The following RNF19A variants were observed in gnomAD, a reference collection of about 807,000 sequenced individuals.
RNF19A encodes E3 ubiquitin-protein ligase RNF19A.
In RNF19A, 32 loss-of-function variants were observed where a neutral mutation model predicts 75.7. The ratio of observed to expected loss-of-function variants is 0.42; its 90% confidence interval spans 0.32 to 0.57. The LOEUF is 0.57. Among genes scored for constraint, RNF19A ranks in the 20% least tolerant of loss-of-function variants. The pLI is 0.10. For missense variants in RNF19A, 782 were observed against 1,036.3 expected, an observed-to-expected ratio of 0.75 and a Z score of 3.37; for synonymous variants, 335 against 345.2, an observed-to-expected ratio of 0.97 and a Z score of 0.33.
intron 1 of RNF19A, among the ~76,000 whole-genome samples, chr8:100,292,385 C>T (rs1821339287): frequency 6.7e-6 from 1 of 150,334 alleles, no homozygotes; most frequent in Non-Finnish European, 1.5e-5. Flanking sequence ...CTTTTCCTTA[C>T]TGATGTGTAA....
At chr8:100,302,424 T>A (rs972799103) in intron 1 of RNF19A, among the ~76,000 whole-genome samples, 1 of 152,222 alleles carries the variant, frequency 6.6e-6, no homozygotes, top group Non-Finnish European at 1.5e-5. Context: ...GGGAAGGCTA[T>A]GAAACACAAG....
intron 1 of RNF19A, among the ~76,000 whole-genome samples, chr8:100,298,330 G>C (rs765517264): frequency 6.6e-6 from 1 of 151,872 alleles, no homozygotes; most frequent in Non-Finnish European, 1.5e-5. Context: ...ATTTCTCAAA[G>C]GTAAATTATA....
In RNF19A at chr8:100,261,164, G is replaced by A. The variant is rs1193114481; in HGVS notation, c.1682+378C>T. 6.6e-6 allele frequency among the ~76,000 whole-genome samples: 1 copy of A among 151,504 alleles called. No homozygotes were observed. Among genetic ancestry groups the A allele is most frequent in the African/African-American group, 2.4e-5 (1 of 41,170 alleles). ...GGTTGGAGCTCAGTGGTGTGATCTT[G>A]GCTGACTGCAGCCTCCAACTCCCAG... On this transcript the variant is annotated intron_variant, in intron 8 of 9. Transcript: ENST00000341084. The surrounding 1 kb of genome is among the most constrained non-coding windows in gnomAD (Gnocchi z 4.4).
At chr8:100,301,504 C>CTTTA (rs1445307283) in intron 1 of RNF19A, among the ~76,000 whole-genome samples, 12 of 152,192 alleles carry the variant, frequency 7.9e-5, no homozygotes, top group Admixed American at 7.9e-4. Flanking sequence ...AAACCCCACA[C>CTTTA]TTTAGCCAAC....
chr8:100,299,126 G>T (rs879384924), intron 1 of RNF19A, among the ~76,000 whole-genome samples: 1 of 152,176 alleles, frequency 6.6e-6, no homozygotes, highest in Non-Finnish European at 1.5e-5. Flanking sequence ...CACTAACCTA[G>T]TATTAGATCT....
Position 100,287,609 on chromosome 8 carries a change from C to A in RNF19A, c.566G>T (p.Arg189Leu). 1.9e-6 allele frequency: 3 copies of A among 1,614,012 alleles called. No homozygotes were observed. The highest frequency in any genetic ancestry group is 1.7e-6 in the Non-Finnish European group (2 of 1,179,928). ...CTERFNPHDIRLILSDDVLME... is the reference protein window; with the variant it reads ...CTERFNPHDILLILSDDVLME... ...CAAGACATCATCACTTAATATCAAG[C>A]GAATATCATGGGGATTAAACCGTTC... Residue 189 changes from arginine (R) to leucine (L), a missense_variant, in exon 2 of 10, where the codon CGC (arginine) becomes CTC (leucine). By Grantham distance (102) the Arg-to-Leu change is moderately radical. Transcript: ENST00000341084. The surrounding 1 kb of genome is among the most constrained non-coding windows in gnomAD (Gnocchi z 4.1).
rs984446053 is a variant in RNF19A at position 100,324,613 on chromosome 8, T to G, written c.-242-11241A>C. Among the ~76,000 whole-genome samples, 2 of 152,200 alleles carry G rather than the reference T, an allele frequency of 1.3e-5. No individual in the cohort carries two copies. Among genetic ancestry groups the G allele is most frequent in the African/African-American group, 4.8e-5 (2 of 41,444 alleles). On this transcript the variant is annotated intron_variant, in intron 1 of 3. Coordinates refer to the RNF19A transcript ENST00000519527. This position sits in a 1 kb window ranked among gnomAD's most constrained non-coding sequence, Gnocchi z 4.2. ...AATCACTGTTTTCTTTTAATTAGGCTTCTAACATACATTTGCATTGATTTT... is the reference window on the plus strand; with the variant it reads ...AATCACTGTTTTCTTTTAATTAGGCGTCTAACATACATTTGCATTGATTTT...
rs770737012 is a variant in RNF19A, at chr8:100,261,711, C to G, written c.1513G>C (p.Glu505Gln). Residue 505 changes from glutamate (E) to glutamine (Q), a missense_variant, in exon 8 of 10, where the codon GAG becomes CAG. Transcript: ENST00000341084. The surrounding 1 kb of genome is among the most constrained non-coding windows in gnomAD (Gnocchi z 4.4). ...CCAGTCAGCCCACCAACACTTCCCT[C>G]CCCTATGCTTGGGTTGTGTCTTGCT... ...AEARHNPSIGEGSVGGLTGSL... is the reference protein window; with the variant it reads ...AEARHNPSIGQGSVGGLTGSL... The G allele has an allele frequency of 3.1e-6, 5 of 1,614,018 alleles. No individual in the cohort carries two copies. The South Asian group carries it at 4.4e-5, about 14-fold the overall frequency.
chr8:100,322,836 T>C lies in RNF19A; in HGVS notation c.-242-9464A>G, dbSNP rs1586700521. Among the ~76,000 whole-genome samples the C allele has an allele frequency of 1.3e-5, 2 of 151,942 alleles. No individual in the cohort carries two copies. The highest frequency in any genetic ancestry group is 2.9e-5 in the Non-Finnish European group (2 of 68,002). ...ATGGGGGAATGGCTGGTCAGTGGAG[T>C]AGTCAGAACACACACACACATTTAT... is the stretch of plus-strand genomic sequence containing the variant. On this transcript the variant is annotated intron_variant, in intron 1 of 3. Coordinates refer to the RNF19A transcript ENST00000519527. The surrounding 1 kb of genome is among the most constrained non-coding windows in gnomAD (Gnocchi z 5.1).
At chr8:100,277,074 G>T (rs914690502) in intron 2 of RNF19A, among the ~76,000 whole-genome samples, 5 of 152,038 alleles carry the variant, frequency 3.3e-5, no homozygotes, top group Non-Finnish European at 5.9e-5. Flanking sequence ...AAAATTTCTA[G>T]AAGTTTCTAG....
intron 2 of RNF19A, among the ~76,000 whole-genome samples, chr8:100,281,377 G>A (rs1464712856): frequency 6.6e-6 from 1 of 152,128 alleles, no homozygotes; most frequent in Non-Finnish European, 1.5e-5. Flanking sequence ...ACATACCAAT[G>A]TTCAGTACAT....
At position 100,287,107 on chromosome 8, in the gene RNF19A, A is replaced by G. The variant is rs1041129560; in HGVS notation, c.674+394T>C. On this transcript the variant is annotated intron_variant, in intron 2 of 9. Coordinates refer to ENST00000341084, the MANE Select transcript of RNF19A (RefSeq NM_183419.4). This position sits in a 1 kb window ranked among gnomAD's most constrained non-coding sequence, Gnocchi z 4.1. ...TCATATGAGAAACATGTCAACAAAG[A>G]GAAAAAAAATAAAGAAGGTCATTTG... Among the ~76,000 whole-genome samples, 1 of 152,332 alleles carries G rather than the reference A, an allele frequency of 6.6e-6. No individual in the cohort carries two copies. Among genetic ancestry groups the G allele is most frequent in the Middle Eastern group, 3.4e-3 (1 of 294 alleles).
Position 100,264,488 on chromosome 8 carries a change from G to A in RNF19A, c.1306+183C>T. On this transcript the variant is annotated intron_variant, in intron 6 of 9. Coordinates refer to ENST00000341084, the MANE Select transcript of RNF19A (RefSeq NM_183419.4). This position sits in a 1 kb window ranked among gnomAD's most constrained non-coding sequence, Gnocchi z 4.7. ...GGTGGAGTGGGGAGGAAGGGTATCA[G>A]CCACTAACAATTTACCAACTACTTT... 1.7e-6 allele frequency: 1 copy of A among 593,388 alleles called. No homozygotes were observed. The highest frequency in any genetic ancestry group is 2.8e-5 in the East Asian group (1 of 35,658). The allele number at this position is 593,388 out of a possible 1,614,324, so 36.8% of individuals were successfully genotyped here.
intron 2 of RNF19A, among the ~76,000 whole-genome samples, chr8:100,282,557 T>C (rs1214073051): frequency 6.6e-6 from 1 of 152,232 alleles, no homozygotes; most frequent in Admixed American, 6.5e-5. Flanking sequence ...AATTTATCAC[T>C]AGTCATGAAT....
chr8:100,329,428 AAAAACAAAAC>A lies in RNF19A; in HGVS notation c.-243+6670_-243+6679del, dbSNP rs761325399. On this transcript the variant is annotated intron_variant, in intron 1 of 3. Coordinates refer to the RNF19A transcript ENST00000519527. This position sits in a 1 kb window ranked among gnomAD's most constrained non-coding sequence, Gnocchi z 4.3. The stretch of plus-strand genomic sequence containing the variant: ...TGAGTGAGTTGTGATACAGTGCTGC[AAAAACAAAAC>A]AAAACAAAACAAACAAACAAACAAA... 6.6e-6 allele frequency among the ~76,000 whole-genome samples: 1 copy of A among 152,170 alleles called. No homozygotes were observed. The highest frequency in any genetic ancestry group is 2.4e-5 in the African/African-American group (1 of 41,420).
In RNF19A at chr8:100,330,824, T is replaced by A. The variant is rs983883729; in HGVS notation, c.-243+5284A>T. On this transcript the variant is annotated intron_variant, in intron 1 of 3. Transcript: ENST00000519527. This position sits in a 1 kb window ranked among gnomAD's most constrained non-coding sequence, Gnocchi z 4.1. ...TCTAAGGCCCAAGAAAACTTGGCCC[T>A]GCCCACCTCTCCAACTTCATCTCTC... is the stretch of plus-strand genomic sequence containing the variant. Among the ~76,000 whole-genome samples, 3 of 152,216 alleles carry A rather than the reference T, an allele frequency of 2.0e-5. No homozygotes were observed. The highest frequency in any genetic ancestry group is 2.0e-4 in the Admixed American group (3 of 15,282).
chr8:100,259,375 C>T lies in RNF19A; in HGVS notation c.1827-129G>A, dbSNP rs751487121. On this transcript the variant is annotated intron_variant, in intron 9 of 9. Coordinates refer to ENST00000341084, the MANE Select transcript of RNF19A (RefSeq NM_183419.4). This position sits in a 1 kb window ranked among gnomAD's most constrained non-coding sequence, Gnocchi z 4.5. ...TATGAGAACACCTTAACGCAGAACA[C>T]GTTCTACTTAAAAAACATACTTGAT... The T allele has an allele frequency of 2.2e-5, 15 of 683,566 alleles. No homozygotes were observed. The highest frequency in any genetic ancestry group is 2.0e-4 in the Admixed American group (7 of 34,904). 42.3% of individuals were successfully genotyped at this position (683,566 alleles called of 1,614,324 possible). A position where few individuals can be genotyped will look rare whatever the true frequency, so the allele number is the denominator to read the frequency against.
intron 3 of RNF19A, among the ~76,000 whole-genome samples, chr8:100,273,939 C>T (rs1462157132): frequency 3.9e-5 from 6 of 152,160 alleles, no homozygotes; most frequent in Non-Finnish European, 7.4e-5. Flanking sequence ...CCCGCCACCA[C>T]GCCCAGCTAA....
intron 2 of RNF19A, among the ~76,000 whole-genome samples, chr8:100,281,361 CAATT>C (rs1198799341): frequency 4.6e-5 from 7 of 152,024 alleles, no homozygotes; most frequent in Middle Eastern, 3.2e-3. Flanking sequence ...TTTGCTAAAA[CAATT>C]AACATACCAA....
Sources: allele counts gnomAD v4.1 joint callset (sites outside exome capture counted in the v4.1 genomes callset), GRCh38; gene constraint gnomAD v4.1.1; non-coding constraint Gnocchi (gnomAD v3.1); transcripts MANE v1.5; gene names NCBI Gene and HGNC (gene_info 2026-07-23, HGNC 2026-07-21).